The following C3orf20 variants were observed in gnomAD, a reference collection of about 807,000 sequenced individuals.
C3orf20 encodes the protein family with sequence similarity 149 member C, also known as uncharacterized protein C3orf20.
In C3orf20, 76 loss-of-function variants were observed where a neutral mutation model predicts 88.3. That is an observed-to-expected ratio of 0.86 (90% confidence interval 0.72 to 1.04). C3orf20 has a LOEUF of 1.04. C3orf20 is among the 50% of genes least tolerant of loss of function. C3orf20 has a pLI of 0.00. For synonymous variants in C3orf20, 436 were observed against 437.4 expected, an observed-to-expected ratio of 1.00 and a Z score of 0.04; for missense variants, 1,056 against 1,123.3, an observed-to-expected ratio of 0.94 and a Z score of 0.86.
chr3:14,720,530 A>AGTG (rs1266943612), intron 9 of C3orf20, among the ~76,000 whole-genome samples: 16 of 134,108 alleles, frequency 1.2e-4, no homozygotes, highest in Non-Finnish European at 2.2e-4. Flanking sequence ...CAAAGCAGAG[A>AGTG]GTGGTTGTTG....
intron 7 of C3orf20, among the ~76,000 whole-genome samples, chr3:14,706,253 C>T (rs916121975): frequency 1.3e-5 from 2 of 152,136 alleles, no homozygotes; most frequent in Non-Finnish European, 2.9e-5. Context: ...ACACTCTGCT[C>T]GGCCCTGCTT....
At chr3:14,728,713 C>T (rs765587340) in intron 12 of C3orf20, 25 bp downstream of exon 12, 62 of 1,608,266 alleles carry the variant, frequency 3.9e-5, no homozygotes, top group African/African-American at 1.6e-4. Context: ...TCACGTCTTC[C>T]GCAGCATCGG....
chr3:14,678,672 A>G (rs2031921379), intron 1 of C3orf20, among the ~76,000 whole-genome samples: 1 of 152,222 alleles, frequency 6.6e-6, no homozygotes, highest in Admixed American at 6.5e-5. Context: ...AGCTTTGTTT[A>G]TAGCCATCTG....
At chr3:14,764,486 A>G (rs963672622) in intron 15 of C3orf20, among the ~76,000 whole-genome samples, 3 of 147,370 alleles carry the variant, frequency 2.0e-5, no homozygotes, top group African/African-American at 7.8e-5. Flanking sequence ...ATCGTTTATT[A>G]TTATTATTAT....
rs1463253269 is a variant in C3orf20 at position 14,701,455 on chromosome 3, T to G, written c.746-1675T>G. Among the ~76,000 whole-genome samples, 1 of 128,120 alleles carries G rather than the reference T, an allele frequency of 7.8e-6. No individual in the cohort carries two copies. The highest frequency in any genetic ancestry group is 1.7e-5 in the Non-Finnish European group (1 of 59,762). The allele number at this position is 128,120 out of a possible 152,430, so 84.1% of individuals were successfully genotyped here. A position where few individuals can be genotyped will look rare whatever the true frequency, so the allele number is the denominator to read the frequency against. ...GTAGGTAGGACCTGACACAAATGAC[T>G]AAATAGATGCCCCTGGAACCTAGGG... On this transcript the variant is annotated intron_variant, in intron 5 of 16. Coordinates refer to ENST00000253697, the MANE Select transcript of C3orf20 (RefSeq NM_032137.5). This position sits in a 1 kb window ranked among gnomAD's most constrained non-coding sequence, Gnocchi z 4.6.
chr3:14,755,220 G>T (rs1256437052), intron 12 of C3orf20, among the ~76,000 whole-genome samples: 1 of 151,848 alleles, frequency 6.6e-6, no homozygotes, highest in Non-Finnish European at 1.5e-5. Flanking sequence ...TTCATCTTTG[G>T]TTATGATAGT....
At chr3:14,678,298 C>T (rs1282864923) in intron 1 of C3orf20, among the ~76,000 whole-genome samples, 2 of 152,220 alleles carry the variant, frequency 1.3e-5, no homozygotes, top group Non-Finnish European at 2.9e-5. Context: ...CACACGTGGC[C>T]ATTGGGAACA....
intron 1 of C3orf20, among the ~76,000 whole-genome samples, chr3:14,679,442 G>C (rs1210706444): frequency 6.6e-6 from 1 of 152,220 alleles, no homozygotes; most frequent in Admixed American, 6.5e-5. Context: ...AGGTTCATTT[G>C]CATGTGGAAA....
chr3:14,745,637 A>G (rs2035037871), intron 12 of C3orf20, among the ~76,000 whole-genome samples: 1 of 152,232 alleles, frequency 6.6e-6, no homozygotes, highest in Non-Finnish European at 1.5e-5. Flanking sequence ...AAATTCCTAA[A>G]GATGAAATTA....
chr3:14,704,338 GA>G lies in C3orf20; in HGVS notation c.882del (p.Ala295LeufsTer15). On this transcript the variant is annotated frameshift_variant and splice_region_variant, in exon 7 of 17. Transcript: ENST00000253697. LOFTEE classifies it high-confidence loss of function. ...ATATATTGCTCTCCTTCTCTGCAGA[GA>G]AGCTGAAAGGGCCACATGGAAAGGG... ...EKLQELCRHI[E>X]AERATWKGRN... The G allele has an allele frequency of 6.2e-7, 1 of 1,614,020 alleles. No homozygotes were observed. Among genetic ancestry groups the G allele is most frequent in the African/African-American group, 1.3e-5 (1 of 75,016 alleles).
chr3:14,732,757 T>C (rs561600216), intron 12 of C3orf20, among the ~76,000 whole-genome samples: 1 of 152,346 alleles, frequency 6.6e-6, no homozygotes, highest in East Asian at 1.9e-4. Context: ...AGTGCCAAGA[T>C]TGAGAATTCC....
At chr3:14,702,259 T>C (rs1476323587) in intron 5 of C3orf20, among the ~76,000 whole-genome samples, 1 of 152,064 alleles carries the variant, frequency 6.6e-6, no homozygotes, top group Non-Finnish European at 1.5e-5. Flanking sequence ...ATGAAACTTA[T>C]TCACTATCAC....
Position 14,736,585 on chromosome 3 carries a change from C to T in C3orf20, c.1940+7897C>T, listed in dbSNP as rs565542272. ...TGATTACAGGCATGAGCCACTGCGC[C>T]TGGCCTTTTTTTTTTTTGTCACTCA... On this transcript the variant is annotated intron_variant, in intron 12 of 16. Coordinates refer to ENST00000253697, the MANE Select transcript of C3orf20 (RefSeq NM_032137.5). Among the ~76,000 whole-genome samples the T allele has an allele frequency of 6.1e-4, 88 of 143,592 alleles. 1 individual carries two copies. In the South Asian group the frequency reaches 0.019, roughly 32 times the overall value. 94.2% of individuals were successfully genotyped at this position (143,592 alleles called of 152,430 possible).
intron 3 of C3orf20, 51 bp downstream of exon 3, chr3:14,683,248 C>T (rs552655693): frequency 1.3e-5 from 20 of 1,514,600 alleles, no homozygotes; most frequent in East Asian, 6.8e-5. Context: ...TACAGACGGG[C>T]GTCTCAGAGG....
intron 15 of C3orf20, chr3:14,767,245 AGCATGGG>A (rs2035738594): frequency 6.6e-6 from 1 of 152,458 alleles, no homozygotes; most frequent in South Asian, 2.1e-4. Context: ...CCTTGGGCCT[AGCATGGG>A]GTGGTGGGGA....
At chr3:14,758,241 C>T (rs1011467418) in intron 13 of C3orf20, among the ~76,000 whole-genome samples, 6 of 152,090 alleles carry the variant, frequency 3.9e-5, no homozygotes, top group South Asian at 2.1e-4. Flanking sequence ...TCTGGGGGTC[C>T]GGAGGGCCAT....
At chr3:14,710,048 T>C (rs1346361835) in intron 7 of C3orf20, among the ~76,000 whole-genome samples, 1 of 152,168 alleles carries the variant, frequency 6.6e-6, no homozygotes, top group Non-Finnish European at 1.5e-5. Context: ...CCTTACTTGC[T>C]ATATACTTCT....
At chr3:14,727,742 A>G (rs897845727) in intron 11 of C3orf20, among the ~76,000 whole-genome samples, 2 of 152,170 alleles carry the variant, frequency 1.3e-5, no homozygotes, top group African/African-American at 4.8e-5. Context: ...GGGCTCCCAT[A>G]GCACTTAATT....
In C3orf20 at chr3:14,728,469, A is replaced by C; in HGVS notation, c.1721A>C (p.Lys574Thr). The change falls in exon 12 of 17, where the codon AAG (lysine) becomes ACG (threonine). Residue 574 changes from lysine to threonine, a missense_variant. Coordinates refer to ENST00000253697, the MANE Select transcript of C3orf20 (RefSeq NM_032137.5). ...GLFTIEYPTK[K>T]EEEEFVRFKM... ...TTTACCATTGAATATCCCACCAAAA[A>C]GGAGGAGGAAGAATTTGTTCGGTTC... The C allele has an allele frequency of 6.2e-7, 1 of 1,614,158 alleles. No homozygotes were observed. The highest frequency in any genetic ancestry group is 2.2e-5 in the East Asian group (1 of 44,882).
Sources: allele counts gnomAD v4.1 joint callset (sites outside exome capture counted in the v4.1 genomes callset), GRCh38; gene constraint gnomAD v4.1.1; non-coding constraint Gnocchi (gnomAD v3.1); transcripts MANE v1.5; gene names NCBI Gene and HGNC (gene_info 2026-07-23, HGNC 2026-07-21).